Variants in ZBTB17 observed in about 807,000 individuals in gnomAD.
ZBTB17 encodes the protein zinc finger and BTB domain containing 17.
ZBTB17 carries 24 observed loss-of-function variants against 85.1 expected under a neutral mutation model. That is an observed-to-expected ratio of 0.28 (90% CI 0.20 to 0.40). ZBTB17 has a LOEUF of 0.40. Among genes scored for constraint, ZBTB17 ranks in the 10% least tolerant of loss-of-function variants. The probability of loss-of-function intolerance (pLI) is 1.00; values close to 1 mark genes in which losing one functional copy is unlikely to be tolerated. For missense variants in ZBTB17, 743 were observed against 1,105.1 expected (o/e 0.67, Z 4.65); for synonymous variants, 464 against 460.2 (o/e 1.01, Z -0.11).
intron 2 of ZBTB17, among the ~76,000 whole-genome samples, chr1:15,971,310 T>A (rs2072642305): frequency 6.6e-6 from 1 of 150,824 alleles, no homozygotes; most frequent in South Asian, 2.1e-4. Flanking sequence ...GGGAAATCTC[T>A]CTCTCTCTCT....
rs755691305 is a variant in ZBTB17 at position 15,942,442 on chromosome 1, C to T, written c.2039-22G>A. 5 of 1,612,650 alleles carry T rather than the reference C, an allele frequency of 3.1e-6. No homozygotes were observed. In the Admixed American group the frequency reaches 5.0e-5, roughly 16 times the overall value. ...ACCACTGCGGGCAGAGTCGCAGGGC[C>T]TAAGGTGAAGGCACGGGCACTGCCC... On this transcript the variant is annotated intron_variant, in intron 14 of 15. Coordinates refer to ENST00000375743, the MANE Select transcript of ZBTB17 (RefSeq NM_003443.3).
intron 2 of ZBTB17, among the ~76,000 whole-genome samples, chr1:15,971,438 CTATA>C (rs1196084594): frequency 2.3e-5 from 2 of 87,874 alleles, no homozygotes; most frequent in Non-Finnish European, 4.9e-5. Context: ...TACACACACA[CTATA>C]TATATACACA....
chr1:15,944,534 C>T lies in ZBTB17; in HGVS notation c.1137G>A (p.Leu379=), dbSNP rs2071506326. The change falls in exon 9 of 16, where the codon CTG becomes CTA. Residue 379 remains leucine (L), a synonymous_variant. Coordinates refer to ENST00000375743, the MANE Select transcript of ZBTB17 (RefSeq NM_003443.3). The part of the protein sequence containing the change: ...KSYRLISLLN[L]HKKRHSGEAR... ...CCTCGCCCGAGTGCCGCTTCTTGTGCAGGTTCAGCAGGCTGATGAGGCGGT... is the reference window on the plus strand; with the variant it reads ...CCTCGCCCGAGTGCCGCTTCTTGTGTAGGTTCAGCAGGCTGATGAGGCGGT... 4 of 1,595,156 alleles carry T rather than the reference C, an allele frequency of 2.5e-6. No homozygotes were observed. The highest frequency in any genetic ancestry group is 1.7e-5 in the Admixed American group (1 of 58,346).
intron 1 of ZBTB17, among the ~76,000 whole-genome samples, chr1:15,975,234 G>A (rs1372005767): frequency 6.6e-6 from 1 of 152,212 alleles, no homozygotes; most frequent in Non-Finnish European, 1.5e-5. Flanking sequence ...TGTTCTAGGA[G>A]CCTCATTTCC....
rs1294771782 is a variant in ZBTB17 at position 15,942,694 on chromosome 1, G to A, written c.1873C>T (p.Arg625Trp). The change falls in exon 14 of 16, where the codon CGG (arginine) becomes TGG (tryptophan). Residue 625 changes from arginine to tryptophan, a missense_variant. This residue lies in a region of ZBTB17 where 321 missense variants were observed against 615.7 expected (regional missense o/e 0.52). Coordinates refer to ENST00000375743, the MANE Select transcript of ZBTB17 (RefSeq NM_003443.3). ...ACGTGGGAGCGCAGGTTGTCTACCC[G>A]GTTGAAGCCACGCCCACACTTATCA... ...LCDKCGRGFN[R>W]VDNLRSHVKT... 2 of 1,613,526 alleles carry A rather than the reference G, an allele frequency of 1.2e-6. No homozygotes were observed. The highest frequency in any genetic ancestry group is 1.7e-6 in the Non-Finnish European group (2 of 1,180,040).
At chr1:15,944,012 C>A in intron 9 of ZBTB17, 117 bp from the exon 10 acceptor site, 1 of 1,103,966 alleles carries the variant, frequency 9.1e-7, no homozygotes, top group Middle Eastern at 1.9e-4. Flanking sequence ...CCGTGAAGGG[C>A]TCTATCTCTC....
chr1:15,956,644 T>G (rs2072053273), intron 2 of ZBTB17, among the ~76,000 whole-genome samples: 1 of 152,224 alleles, frequency 6.6e-6, no homozygotes, highest in Non-Finnish European at 1.5e-5. Context: ...ATTATTGCAT[T>G]GCCCTTTAGG....
At chr1:15,963,883 A>G (rs1241694629) in intron 2 of ZBTB17, among the ~76,000 whole-genome samples, 1 of 152,090 alleles carries the variant, frequency 6.6e-6, no homozygotes. Context: ...AAGCAGGAGG[A>G]GTGCTTGAGC....
chr1:15,953,795 G>A lies in ZBTB17; in HGVS notation c.-2-5298C>T, dbSNP rs1398309893. On this transcript the variant is annotated intron_variant, in intron 2 of 15. Coordinates refer to ENST00000375743, the MANE Select transcript of ZBTB17 (RefSeq NM_003443.3). The surrounding 1 kb of genome is among the most constrained non-coding windows in gnomAD (Gnocchi z 5.1). The stretch of plus-strand genomic sequence containing the variant: ...TTCTCCAATGGCCAACAGGGCTAAT[G>A]GTATGACTTCCTTTGTGACAGGATT... Among the ~76,000 whole-genome samples, 4 of 152,212 alleles carry A rather than the reference G, an allele frequency of 2.6e-5. No individual in the cohort carries two copies. Among genetic ancestry groups the A allele is most frequent in the Non-Finnish European group, 4.4e-5 (3 of 68,038 alleles).
Position 15,945,086 on chromosome 1 carries a change from C to T in ZBTB17, c.778G>A (p.Gly260Arg). Residue 260 changes from glycine (G) to arginine (R), a missense_variant, in exon 7 of 16, where the codon GGA becomes AGA. Around this residue, in one of 4 missense-constraint regions of ZBTB17, gnomAD observed 279 missense variants for 269.9 expected, o/e 1.03. Coordinates refer to ENST00000375743, the MANE Select transcript of ZBTB17 (RefSeq NM_003443.3). ...VKEEGSQLEN[G>R]EAPEENENEE... The stretch of plus-strand genomic sequence containing the variant: ...TTCTCGTTCTCCTCGGGGGCCTCTC[C>T]GTTCTCCAGCTGGGAACCCTCCTCC... 6.2e-7 allele frequency: 1 copy of T among 1,611,538 alleles called. No individual in the cohort carries two copies. Among genetic ancestry groups the T allele is most frequent in the Non-Finnish European group, 8.5e-7 (1 of 1,179,150 alleles).
In ZBTB17 at chr1:15,952,157, A is replaced by T. The variant is rs1442443528; in HGVS notation, c.-2-3660T>A. Among the ~76,000 whole-genome samples, 1 of 152,188 alleles carries T rather than the reference A, an allele frequency of 6.6e-6. No homozygotes were observed. Among genetic ancestry groups the T allele is most frequent in the Non-Finnish European group, 1.5e-5 (1 of 68,036 alleles). ...ACGAGACCACAGAGCCCAGCAGCCC[A>T]GAGTCCTCATTTTAGATGCAGACTG... On this transcript the variant is annotated intron_variant, in intron 2 of 15. Transcript: ENST00000375743. The surrounding 1 kb of genome is among the most constrained non-coding windows in gnomAD (Gnocchi z 4.3).
chr1:15,954,460 G>A (rs887790231), intron 2 of ZBTB17, among the ~76,000 whole-genome samples: 8 of 152,214 alleles, frequency 5.3e-5, no homozygotes, highest in Non-Finnish European at 1.2e-4. Flanking sequence ...GAGCCATCTT[G>A]TGTCCAGGTG....
intron 1 of ZBTB17, 44 bp downstream of exon 1, chr1:15,975,939 G>A (rs1363395058): frequency 2.9e-6 from 2 of 691,334 alleles, no homozygotes; most frequent in Non-Finnish European, 5.3e-6. Flanking sequence ...CCTCCGCCCC[G>A]GCTCCCGGGA....
chr1:15,975,964 G>A lies in ZBTB17; in HGVS notation c.-90+19C>T, dbSNP rs2148824882. 2.9e-6 allele frequency: 2 copies of A among 699,492 alleles called. No individual in the cohort carries two copies. Among genetic ancestry groups the A allele is most frequent in the East Asian group, 5.4e-5 (2 of 36,952 alleles). 43.3% of individuals were successfully genotyped at this position (699,492 alleles called of 1,614,324 possible). Reference sequence around the variant, plus strand: ...GGCTCCCGGGACTTCCCCGGCCCCGGGCGATTGTTGACACTCACCTGCCAT... The same window carrying A: ...GGCTCCCGGGACTTCCCCGGCCCCGAGCGATTGTTGACACTCACCTGCCAT... On this transcript the variant is annotated intron_variant, in intron 1 of 15. Coordinates refer to ENST00000375743, the MANE Select transcript of ZBTB17 (RefSeq NM_003443.3).
In ZBTB17 at chr1:15,945,730, C is replaced by A; in HGVS notation, c.646G>T (p.Glu216Ter). 1 of 1,607,094 alleles carries A rather than the reference C, an allele frequency of 6.2e-7. No homozygotes were observed. ...AAAEAEAALS[E>*]SSEQEMEVEP... ...GCGGGGCTACCTTGCTCCGAGCTCT[C>A]GGACAAAGCGGCCTCAGCTTCTGCA... The change falls in exon 6 of 16, where the codon GAG (glutamate) becomes TAG (stop). Residue 216 changes from glutamate (E) to a stop codon, truncating the protein, a stop_gained. Transcript: ENST00000375743. LOFTEE classifies it high-confidence loss of function.
chr1:15,943,298 G>C, intron 12 of ZBTB17, 101 bp downstream of exon 12: 1 of 1,595,954 alleles, frequency 6.3e-7, no homozygotes, highest in Non-Finnish European at 8.6e-7. Flanking sequence ...CCTGGGGCGT[G>C]GGCAGCAGTC....
At chr1:15,958,366 G>A (rs1403777336) in intron 2 of ZBTB17, among the ~76,000 whole-genome samples, 1 of 145,742 alleles carries the variant, frequency 6.9e-6, no homozygotes, top group African/African-American at 2.5e-5. Context: ...AAAGCCTTGG[G>A]AAGGCGGCTG....
intron 2 of ZBTB17, chr1:15,970,323 A>T (rs1239085042): frequency 3.8e-6 from 1 of 262,388 alleles, no homozygotes. Flanking sequence ...AAGGAAAAAT[A>T]AAAAAAGTTT....
rs758927352 is a variant in ZBTB17 at position 15,942,576 on chromosome 1, G to A, written c.1991C>T (p.Thr664Met). 41 of 1,612,418 alleles carry A rather than the reference G, an allele frequency of 2.5e-5. No homozygotes were observed. The highest frequency in any genetic ancestry group is 3.3e-5 in the Non-Finnish European group (39 of 1,180,040). ...CGCTGCCAGTGCCTCGGTAGCCAGC[G>A]TGACCATGTCATCCACAGTGACCAC... Reference protein sequence around the residue: ...VSVVTVDDMVTLATEALAATA... With the variant: ...VSVVTVDDMVMLATEALAATA... Residue 664 changes from threonine (T) to methionine (M), a missense_variant, in exon 14 of 16, where the codon ACG becomes ATG. This residue lies in a region of ZBTB17 where 321 missense variants were observed against 615.7 expected (regional missense o/e 0.52). Transcript: ENST00000375743.
Sources: gnomAD v4.1 joint callset for allele counts (sites outside exome capture counted in the v4.1 genomes callset) on GRCh38, gnomAD v4.1.1 for gene constraint, gnomAD v4.1.1 regional missense constraint, Gnocchi (gnomAD v3.1) non-coding constraint, MANE v1.5 for transcripts, NCBI Gene and HGNC (gene_info 2026-07-23, HGNC 2026-07-21) for gene names.